Variants in KCNJ18 observed in about 807,000 individuals in gnomAD.
The protein encoded by KCNJ18 is potassium inwardly rectifying channel subfamily J member 18.
Under a neutral mutation model 17.3 loss-of-function variants are expected in KCNJ18, and 16 were observed. That is an observed-to-expected ratio of 0.92 (90% CI 0.62 to 1.40). KCNJ18 has a LOEUF of 1.40. Ranked by LOEUF, KCNJ18 falls within the 40% of genes most tolerant of loss-of-function variation. The pLI, the probability that KCNJ18 is intolerant of heterozygous loss-of-function variation, is 0.00. For missense variants in KCNJ18, 462 were observed against 626.8 expected, an observed-to-expected ratio of 0.74 and a Z score of 2.81; for synonymous variants, 185 against 262.6, an observed-to-expected ratio of 0.70 and a Z score of 2.86.
At chr17:21,701,325 G>C (rs1197409794) in intron 2 of KCNJ18, among the ~76,000 whole-genome samples, 1 of 152,308 alleles carries the variant, frequency 6.6e-6, no homozygotes, top group African/African-American at 2.4e-5. Context: ...GCAGTGAGCT[G>C]AGGGTGGTGC....
At chr17:21,698,615 G>A (rs1370304723) in intron 2 of KCNJ18, among the ~76,000 whole-genome samples, 1 of 152,072 alleles carries the variant, frequency 6.6e-6, no homozygotes, top group Non-Finnish European at 1.5e-5. Context: ...AGATGTCACC[G>A]AAACCTGAGA....
chr17:21,696,584 A>G (rs1404783881), intron 2 of KCNJ18, among the ~76,000 whole-genome samples: 90,424 of 140,976 alleles, frequency 0.64, 29,034 homozygotes, highest in African/African-American at 0.84. Flanking sequence ...GCCTCTCTAG[A>G]CCTCTGAGCT....
At position 21,692,709 on chromosome 17, in the gene KCNJ18, C is replaced by T. The variant is rs1330265559; in HGVS notation, c.-184C>T. ...GCTTGGCTTACCCTCGTGACAGTCT[C>T]CCGAGGTGTGTGGGGTCTCCTCATT... On this transcript the variant is annotated 5_prime_UTR_variant, in exon 1 of 3. Transcript: ENST00000567955. 6.5e-6 allele frequency: 1 copy of T among 153,070 alleles called. No individual in the cohort carries two copies. The highest frequency in any genetic ancestry group is 1.5e-5 in the Non-Finnish European group (1 of 68,682). 9.5% of individuals were successfully genotyped at this position (153,070 alleles called of 1,614,324 possible).
chr17:21,701,882 G>C (rs1344543628), intron 2 of KCNJ18, among the ~76,000 whole-genome samples: 1 of 151,834 alleles, frequency 6.6e-6, no homozygotes. Context: ...TTGCATTCCA[G>C]CCTAGGTGAT....
At chr17:21,701,294 G>A (rs1905941448) in intron 2 of KCNJ18, among the ~76,000 whole-genome samples, 1 of 152,304 alleles carries the variant, frequency 6.6e-6, no homozygotes, top group Non-Finnish European at 1.5e-5. Context: ...CAGTAGGCTG[G>A]CCTGGAGCCA....
At chr17:21,693,015 T>C (rs1173908666) in intron 1 of KCNJ18, among the ~76,000 whole-genome samples, 16 of 152,418 alleles carry the variant, frequency 1.0e-4, no homozygotes, top group Admixed American at 1.0e-3. Flanking sequence ...TGCCCTCCCC[T>C]GCGGGACGCT....
intron 2 of KCNJ18, among the ~76,000 whole-genome samples, chr17:21,700,761 G>C (rs1279835234): frequency 2.8e-5 from 2 of 71,096 alleles, no homozygotes; most frequent in African/African-American, 1.1e-4. Context: ...TGTAAAGCAG[G>C]GTGGCCCACC....
Position 21,704,015 on chromosome 17 carries a change from A to C in KCNJ18, c.1229A>C (p.His410Pro), listed in dbSNP as rs1274407103. The part of the protein sequence containing the change: ...SRDGLSPQAR[H>P]DFDRLQAGGG... ...GATGGCCTCAGCCCCCAGGCCAGGC[A>C]TGACTTTGACAGACTCCAGGCTGGC... Residue 410 changes from histidine to proline, a missense_variant, in exon 3 of 3, where the codon CAT becomes CCT. Physicochemically the swap from His to Pro is moderately conservative, Grantham distance 77. Transcript: ENST00000567955. 2 of 1,592,298 alleles carry C rather than the reference A, an allele frequency of 1.3e-6. No homozygotes were observed. Among genetic ancestry groups the C allele is most frequent in the East Asian group, 4.5e-5 (2 of 44,550 alleles).
intron 1 of KCNJ18, among the ~76,000 whole-genome samples, chr17:21,693,213 G>A (rs1395906252): frequency 5.3e-5 from 8 of 152,308 alleles, no homozygotes; most frequent in African/African-American, 1.7e-4. Flanking sequence ...GCATCCGGAA[G>A]GCTGGCTCCT....
rs1906015666 is a variant in KCNJ18, at chr17:21,702,920, G to A, written c.134G>A (p.Arg45His). The A allele has an allele frequency of 1.8e-5, 29 of 1,592,618 alleles. No homozygotes were observed. The South Asian group carries it at 2.0e-4, about 11-fold the overall frequency. ...CACACGCGGCGCAGGTGCCGCAACC[G>A]CTTCGTCAAGAAGAATGGCCAGTGC... ...KVHTRRRCRN[R>H]FVKKNGQCNI... Residue 45 changes from arginine to histidine, a missense_variant, in exon 3 of 3, where the codon CGC (arginine) becomes CAC (histidine). By Grantham distance (29) the Arg-to-His change is conservative. Around this residue, in one of 5 missense-constraint regions of KCNJ18, gnomAD observed 237 missense variants for 259.4 expected, o/e 0.91. Transcript: ENST00000567955.
intron 1 of KCNJ18, among the ~76,000 whole-genome samples, chr17:21,693,208 C>T (rs1172043156): frequency 0.015 from 2,290 of 152,326 alleles, no homozygotes; most frequent in Middle Eastern, 0.027. Context: ...CCAGGGCATC[C>T]GGAAGGCTGG....
At chr17:21,697,313 A>G (rs1382025952) in intron 2 of KCNJ18, among the ~76,000 whole-genome samples, 1 of 152,308 alleles carries the variant, frequency 6.6e-6, no homozygotes, top group Non-Finnish European at 1.5e-5. Context: ...CCTAGCCTGC[A>G]TTTGGCATAG....
Position 21,703,923 on chromosome 17 carries a change from C to A in KCNJ18, c.1137C>A (p.Asn379Lys), listed in dbSNP as rs1370611102. 13 of 1,611,616 alleles carry A rather than the reference C, an allele frequency of 8.1e-6. No homozygotes were observed. The highest frequency in any genetic ancestry group is 1.1e-5 in the Non-Finnish European group (13 of 1,180,014). ...LPSANSFCYE[N>K]ELAFLSRDEE... The stretch of plus-strand genomic sequence containing the variant: ...GTGCCAACTCCTTCTGCTATGAGAA[C>A]GAGCTGGCCTTCCTGAGCCGTGACG... Residue 379 changes from asparagine to lysine, a missense_variant, in exon 3 of 3, where the codon AAC (asparagine) becomes AAA (lysine). By Grantham distance (94) the Asn-to-Lys change is moderately conservative. Transcript: ENST00000567955.
rs1252845052 is a variant in KCNJ18 at position 21,694,116 on chromosome 17, A to G, written c.-179+1402A>G. On this transcript the variant is annotated intron_variant, in intron 1 of 2. Coordinates refer to ENST00000567955, the MANE Select transcript of KCNJ18 (RefSeq NM_001194958.2). ...GTCTGTGTGCCTGTAAACCACTGTC[A>G]CCTGTCCCAGGAGGCTGATGATGTG... 9.9e-5 allele frequency among the ~76,000 whole-genome samples: 15 copies of G among 152,160 alleles called. No individual in the cohort carries two copies. The East Asian group carries it at 2.7e-3, about 27-fold the overall frequency.
chr17:21,701,744 C>T (rs1234024671), intron 2 of KCNJ18, among the ~76,000 whole-genome samples: 1 of 152,256 alleles, frequency 6.6e-6, no homozygotes, highest in Non-Finnish European at 1.5e-5. Flanking sequence ...AACCCCGTCT[C>T]TACTTAAAAT....
intron 1 of KCNJ18, among the ~76,000 whole-genome samples, chr17:21,693,519 C>T (rs1905667895): frequency 1.3e-5 from 2 of 152,296 alleles, no homozygotes; most frequent in Admixed American, 6.5e-5. Flanking sequence ...CCGACCTTCG[C>T]TGCTCAGAGT....
intron 2 of KCNJ18, among the ~76,000 whole-genome samples, chr17:21,701,984 G>A (rs1416231672): frequency 3.3e-5 from 5 of 152,396 alleles, no homozygotes; most frequent in South Asian, 2.1e-4. Context: ...GGTGGTCTCA[G>A]GGTGGGGTTG....
chr17:21,703,233 C>G lies in KCNJ18; in HGVS notation c.447C>G (p.Arg149=). 1 of 1,611,432 alleles carries G rather than the reference C, an allele frequency of 6.2e-7. No homozygotes were observed. The highest frequency in any genetic ancestry group is 8.5e-7 in the Non-Finnish European group (1 of 1,179,402). Residue 149 remains arginine (R), a synonymous_variant, in exon 3 of 3, where the codon CGC becomes CGG. Coordinates refer to ENST00000567955, the MANE Select transcript of KCNJ18 (RefSeq NM_001194958.2). ...AGACCACCATCGGCTACGGGCTGCGCTGTGTGACGGAGGAGTGCCTGGTGG... is the reference window on the plus strand; with the variant it reads ...AGACCACCATCGGCTACGGGCTGCGGTGTGTGACGGAGGAGTGCCTGGTGG... ...ETQTTIGYGL[R]CVTEECLVAV...
Position 21,703,364 on chromosome 17 carries a change from C to T in KCNJ18, c.578C>T (p.Thr193Met), listed in dbSNP as rs1356955579. ...KMARPKKRAQ[T>M]LLFSHNAVVA... The stretch of plus-strand genomic sequence containing the variant: ...GCAAGGCCCAAGAAGCGGGCACAGA[C>T]GCTGCTGTTCAGCCACAACGCCGTG... Residue 193 changes from threonine to methionine, a missense_variant, in exon 3 of 3, where the codon ACG becomes ATG. Thr to Met is a moderately conservative substitution (Grantham distance 81). Transcript: ENST00000567955. 2.6e-4 allele frequency: 415 copies of T among 1,606,920 alleles called. No homozygotes were observed. The African/African-American group carries it at 2.6e-3, about 10-fold the overall frequency.
Sources: allele counts gnomAD v4.1 joint callset (sites outside exome capture counted in the v4.1 genomes callset), GRCh38; gene constraint gnomAD v4.1.1; regional missense constraint gnomAD v4.1.1; transcripts MANE v1.5; gene names NCBI Gene and HGNC (gene_info 2026-07-23, HGNC 2026-07-21).